ATP7B: variants seen among roughly 807,000 people sequenced by gnomAD.
The protein encoded by ATP7B is copper-transporting ATPase 2.
In ATP7B, 113 loss-of-function variants were observed where a neutral mutation model predicts 118.9. That is an observed-to-expected ratio of 0.95 (90% CI 0.82 to 1.11). The LOEUF is 1.11. Ranked by LOEUF, ATP7B falls within the 50% of genes most tolerant of loss-of-function variation. ATP7B has a pLI of 0.00. For missense variants in ATP7B, 1,867 were observed against 1,871.4 expected (o/e 1.00, Z 0.04); for synonymous variants, 777 against 727.4 (o/e 1.07, Z -1.10).
intron 1 of ATP7B, among the ~76,000 whole-genome samples, chr13:51,989,014 C>A (rs1174178890): frequency 6.6e-6 from 1 of 151,866 alleles, no homozygotes; most frequent in Non-Finnish European, 1.5e-5. Flanking sequence ...ATGTAACAAA[C>A]CTGCACGTTC....
Position 51,974,354 on chromosome 13 carries a change from T to G in ATP7B, c.866A>C (p.Gln289Pro), listed in dbSNP as rs751053970. ...IGQLLGVQSI[Q>P]VSLENKTAQV... ...GGCAGTTTTGTTCTCCAAGGACACT[T>G]GAATACTTTGAACCCCTAGGAGCTG... is the stretch of plus-strand genomic sequence containing the variant. Residue 289 changes from glutamine (Q) to proline (P), a missense_variant, in exon 2 of 21, where the codon CAA becomes CCA. By Grantham distance (76) the Gln-to-Pro change is moderately conservative. Coordinates refer to ENST00000242839, the MANE Select transcript of ATP7B (RefSeq NM_000053.4). The G allele has an allele frequency of 6.2e-6, 10 of 1,614,048 alleles. No homozygotes were observed. In the Admixed American group the frequency reaches 1.7e-4, roughly 27 times the overall value.
chr13:51,956,142 G>A (rs1045567420), intron 9 of ATP7B, among the ~76,000 whole-genome samples: 2 of 152,206 alleles, frequency 1.3e-5, no homozygotes, highest in Non-Finnish European at 2.9e-5. Flanking sequence ...CAATTGTGAT[G>A]ATCATTTAAA....
intron 9 of ATP7B, among the ~76,000 whole-genome samples, chr13:51,955,993 G>T (rs1958321261): frequency 6.6e-6 from 1 of 152,142 alleles, no homozygotes; most frequent in African/African-American, 2.4e-5. Context: ...CACTGCACTT[G>T]GCTTTTCCTG....
At position 51,958,340 on chromosome 13, in the gene ATP7B, G is replaced by C. The variant is rs1217463955; in HGVS notation, c.2326C>G (p.Leu776Val). The C allele has an allele frequency of 1.9e-6, 3 of 1,614,188 alleles. No homozygotes were observed. The highest frequency in any genetic ancestry group is 1.7e-5 in the Admixed American group (1 of 60,022). The change falls in exon 8 of 21, where the codon CTG (leucine) becomes GTG (valine). Residue 776 changes from leucine to valine, a missense_variant. Leu to Val is a conservative substitution (Grantham distance 32, BLOSUM62 1). Coordinates refer to ENST00000242839, the MANE Select transcript of ATP7B (RefSeq NM_000053.4). Reference sequence around the variant, plus strand: ...GCCAAGTGTTCCAGCCACCGGCCCAGGGCAATGAACACAAAGAGCATGGGG... The same window carrying C: ...GCCAAGTGTTCCAGCCACCGGCCCACGGCAATGAACACAAAGAGCATGGGG... Reference protein sequence around the residue: ...TPPMLFVFIALGRWLEHLAKS... With the variant: ...TPPMLFVFIAVGRWLEHLAKS...
chr13:51,986,237 C>G (rs1952645448), intron 1 of ATP7B, among the ~76,000 whole-genome samples: 1 of 152,156 alleles, frequency 6.6e-6, no homozygotes, highest in Non-Finnish European at 1.5e-5. Flanking sequence ...GGAGATATCA[C>G]CACCGATCCC....
chr13:51,966,996 T>C (rs1951584537), intron 4 of ATP7B: 24 of 1,613,362 alleles, frequency 1.5e-5, no homozygotes, highest in East Asian at 1.1e-4. Flanking sequence ...AAACACAGAC[T>C]GTCTGCAACT....
chr13:51,963,104 G>A (rs944209379), intron 5 of ATP7B, among the ~76,000 whole-genome samples: 2 of 151,276 alleles, frequency 1.3e-5, no homozygotes, highest in South Asian at 4.2e-4. Flanking sequence ...AAAAAAAAAA[G>A]AAAGAAAGAA....
intron 4 of ATP7B, 130 bp downstream of exon 4, chr13:51,968,314 A>G (rs1390521073): frequency 7.1e-7 from 1 of 1,408,062 alleles, no homozygotes; most frequent in Non-Finnish European, 9.9e-7. Flanking sequence ...AAAGTGAAAC[A>G]AACAAAATAC....
chr13:51,956,184 G>A (rs781046971), intron 9 of ATP7B, among the ~76,000 whole-genome samples: 13 of 152,190 alleles, frequency 8.5e-5, no homozygotes, highest in Admixed American at 2.0e-4. Flanking sequence ...CAGTGCCACC[G>A]CGCAGCAGCC....
At chr13:51,973,869 C>T in intron 2 of ATP7B, 66 bp downstream of exon 2, 1 of 1,603,980 alleles carries the variant, frequency 6.2e-7, no homozygotes, top group Non-Finnish European at 8.5e-7. Context: ...TACCACCATC[C>T]AGGAGCTATA....
At chr13:51,973,069 C>T (rs1040663151) in intron 2 of ATP7B, among the ~76,000 whole-genome samples, 2 of 152,068 alleles carry the variant, frequency 1.3e-5, no homozygotes, top group African/African-American at 4.8e-5. Flanking sequence ...TCACCTTTAC[C>T]TCTTCTCTTA....
At chr13:51,990,066 T>C (rs912879764) in intron 1 of ATP7B, among the ~76,000 whole-genome samples, 1 of 151,928 alleles carries the variant, frequency 6.6e-6, no homozygotes, top group African/African-American at 2.4e-5. Context: ...AAAAGAAATA[T>C]TAAGTATCTA....
At chr13:51,996,382 G>A (rs1394684625) in intron 1 of ATP7B, among the ~76,000 whole-genome samples, 1 of 152,134 alleles carries the variant, frequency 6.6e-6, no homozygotes, top group African/African-American at 2.4e-5. Context: ...GGGCAGCGCT[G>A]CCTCCATTCC....
rs1593709338 is a variant in ATP7B at position 51,953,865 on chromosome 13, A to C, written c.2448-3466T>G. ...CCCATCAATTGTAAAAAAAAAAAAA[A>C]AAACCAGAAAATTTCAACATGGGAG... is the stretch of plus-strand genomic sequence containing the variant. On this transcript the variant is annotated intron_variant, in intron 9 of 20. Coordinates refer to ENST00000242839, the MANE Select transcript of ATP7B (RefSeq NM_000053.4). 1.3e-5 allele frequency among the ~76,000 whole-genome samples: 2 copies of C among 151,360 alleles called. 1 individual carries two copies.
chr13:51,961,987 C>A, intron 5 of ATP7B, 74 bp from the exon 6 acceptor site: 2 of 1,285,880 alleles, frequency 1.6e-6, no homozygotes, highest in Non-Finnish European at 2.3e-6. Context: ...GCAGAAAGCA[C>A]TTTTCAGCTT....
Position 51,937,336 on chromosome 13 carries a change from T to C in ATP7B, c.3961A>G (p.Ile1321Val), listed in dbSNP as rs1406259441. Reference sequence around the variant, plus strand: ...AGTGCCAGGACCAGGTTGATGCGTATCCTTCGGACAGTCCTCTTGGAAAGG... The same window carrying C: ...AGTGCCAGGACCAGGTTGATGCGTACCCTTCGGACAGTCCTCTTGGAAAGG... ...IHLSKRTVRR[I>V]RINLVLALIY... The change falls in exon 19 of 21, where the codon ATA becomes GTA. Residue 1321 changes from isoleucine to valine, a missense_variant. Transcript: ENST00000242839. 1 of 1,614,054 alleles carries C rather than the reference T, an allele frequency of 6.2e-7. No individual in the cohort carries two copies. Among genetic ancestry groups the C allele is most frequent in the Non-Finnish European group, 8.5e-7 (1 of 1,180,032 alleles).
At chr13:51,939,214 T>A (rs1273130742) in intron 16 of ATP7B, 21 bp from the exon 17 acceptor site, 5 of 1,611,502 alleles carry the variant, frequency 3.1e-6, no homozygotes, top group Non-Finnish European at 4.2e-6. Context: ...CCAGCCAGCA[T>A]CAGCAGCTAC....
rs768818151 is a variant in ATP7B at position 51,974,274 on chromosome 13, C to T, written c.946G>A (p.Glu316Lys). 2.3e-5 allele frequency: 37 copies of T among 1,613,892 alleles called. No individual in the cohort carries two copies. The East Asian group carries it at 6.5e-4, about 28-fold the overall frequency. The change falls in exon 2 of 21, where the codon GAG becomes AAG. Residue 316 changes from glutamate (E) to lysine (K), a missense_variant. Physicochemically the swap from Glu to Lys is moderately conservative, Grantham distance 56 (BLOSUM62 1). Transcript: ENST00000242839. ...TTAAAATTCCCAGGTGGAAGTGCCT[C>T]GATAGCCCTCTGCAGAGCCACTGGG... ...TSPVALQRAI[E>K]ALPPGNFKVS...
intron 3 of ATP7B, 97 bp from the exon 4 acceptor site, chr13:51,968,704 A>G: frequency 7.0e-7 from 1 of 1,431,174 alleles, no homozygotes. Flanking sequence ...ATCTTCCCAG[A>G]ATCCTCTAGA....
Sources: gnomAD v4.1 joint callset for allele counts (sites outside exome capture counted in the v4.1 genomes callset) on GRCh38, gnomAD v4.1.1 for gene constraint, MANE v1.5 for transcripts, NCBI Gene and HGNC (gene_info 2026-07-23, HGNC 2026-07-21) for gene names.